MGAT4C: variants seen among roughly 807,000 people sequenced by gnomAD.
The protein encoded by MGAT4C is MGAT4 family member C, also known as alpha-1,3-mannosyl-glycoprotein 4-beta-N-acetylglucosaminyltransferase C.
Under a neutral mutation model 40.1 loss-of-function variants are expected in MGAT4C, and 19 were observed. The ratio of observed to expected loss-of-function variants is 0.47; its 90% confidence interval spans 0.33 to 0.70. The LOEUF (loss-of-function observed/expected upper bound fraction) is 0.70. Among genes scored for constraint, MGAT4C ranks in the 30% least tolerant of loss-of-function variants. The pLI is 0.02. For synonymous variants in MGAT4C, 181 were observed against 187.1 expected, an observed-to-expected ratio of 0.97 and a Z score of 0.27; for missense variants, 491 against 563.2, an observed-to-expected ratio of 0.87 and a Z score of 1.30.
At chr12:86,275,803 C>T (rs1310609162) in intron 4 of MGAT4C, among the ~76,000 whole-genome samples, 1 of 152,028 alleles carries the variant, frequency 6.6e-6, no homozygotes, top group Non-Finnish European at 1.5e-5. Context: ...ACCTCCAAAA[C>T]TGTAAGAAAA....
chr12:86,475,032 C>A (rs1957812081), intron 2 of MGAT4C, among the ~76,000 whole-genome samples: 1 of 151,992 alleles, frequency 6.6e-6, no homozygotes, highest in Non-Finnish European at 1.5e-5. Flanking sequence ...TGTTAATATG[C>A]ATTATAAAAA....
intron 2 of MGAT4C, among the ~76,000 whole-genome samples, chr12:86,468,555 C>T (rs1957714688): frequency 6.6e-6 from 1 of 152,070 alleles, no homozygotes; most frequent in African/African-American, 2.4e-5. Flanking sequence ...TATAAATCCC[C>T]TATTCAAAAT....
In MGAT4C at chr12:86,392,138, C is replaced by G. The variant is rs573005974; in HGVS notation, c.-120+43019G>C. 3.9e-5 allele frequency among the ~76,000 whole-genome samples: 6 copies of G among 151,966 alleles called. No homozygotes were observed. The East Asian group carries it at 1.2e-3, about 30-fold the overall frequency. ...GTTGCAGTGTTTGGTACTAGAGATA[C>G]CAAGATAAAAGTTATGGTCTTCTAG... On this transcript the variant is annotated intron_variant, in intron 3 of 7. Transcript: ENST00000548651.
chr12:85,979,412 T>G lies in MGAT4C; in HGVS notation c.1314A>C (p.Gly438=). ...TYLRLGEFKN[G]NFEMSGVNQK... ...GATTTACACCTGACATTTCAAAGTT[T>G]CCATTTTTGAATTCTCCTAGTCTTA... Residue 438 remains glycine (G), a synonymous_variant, in exon 5 of 5, where the codon GGA becomes GGC. Transcript: ENST00000611864. 1 of 1,613,320 alleles carries G rather than the reference T, an allele frequency of 6.2e-7. No homozygotes were observed. The highest frequency in any genetic ancestry group is 1.3e-5 in the African/African-American group (1 of 75,008).
intron 1 of MGAT4C, among the ~76,000 whole-genome samples, chr12:86,152,258 T>G (rs1458551232): frequency 6.6e-6 from 1 of 152,222 alleles, no homozygotes; most frequent in East Asian, 1.9e-4. Context: ...AGAAATTTAC[T>G]TCTCACAATT....
At chr12:86,043,813 G>A (rs912358268) in intron 2 of MGAT4C, among the ~76,000 whole-genome samples, 3 of 152,140 alleles carry the variant, frequency 2.0e-5, no homozygotes, top group African/African-American at 4.8e-5. Flanking sequence ...TACTTGAATT[G>A]GGTTTTGACT....
At chr12:86,313,111 T>C (rs1427714161) in intron 4 of MGAT4C, among the ~76,000 whole-genome samples, 1 of 152,214 alleles carries the variant, frequency 6.6e-6, no homozygotes, top group Non-Finnish European at 1.5e-5. Context: ...AAACATGAAT[T>C]TGGATATTTT....
Position 86,562,022 on chromosome 12 carries a change from G to A in MGAT4C, c.-228-126757C>T, listed in dbSNP as rs545824348. Among the ~76,000 whole-genome samples the A allele has an allele frequency of 3.9e-5, 6 of 152,226 alleles. No individual in the cohort carries two copies. In the East Asian group the frequency reaches 7.7e-4, roughly 20 times the overall value. ...ACTCCTGATTCACTGCTCTTGAGAG[G>A]CAAGGAGTTTAGTGACTCTATACAT... On this transcript the variant is annotated intron_variant, in intron 2 of 7. Transcript: ENST00000548651.
intron 1 of MGAT4C, among the ~76,000 whole-genome samples, chr12:86,193,456 A>G (rs1355469315): frequency 6.6e-6 from 1 of 151,948 alleles, no homozygotes; most frequent in Non-Finnish European, 1.5e-5. Flanking sequence ...TTTTATATTT[A>G]TCTACCAGTA....
rs1234792619 is a variant in MGAT4C, at chr12:85,974,405, A to T, written c.*4884T>A. 1 of 150,714 alleles carries T rather than the reference A, an allele frequency of 6.6e-6. No homozygotes were observed. Among genetic ancestry groups the T allele is most frequent in the African/African-American group, 2.4e-5 (1 of 41,288 alleles). 9.3% of individuals were successfully genotyped at this position (150,714 alleles called of 1,614,324 possible). A position where few individuals can be genotyped will look rare whatever the true frequency, so the allele number is the denominator to read the frequency against. On this transcript the variant is annotated 3_prime_UTR_variant, in exon 5 of 5. Coordinates refer to ENST00000611864, the MANE Select transcript of MGAT4C (RefSeq NM_001351288.2). The stretch of plus-strand genomic sequence containing the variant: ...GTGCATATCCTTCTGTCTTTCTCTC[A>T]TACACACAGACACACTTACACAACA...
chr12:86,368,232 T>A (rs992026761), intron 3 of MGAT4C, among the ~76,000 whole-genome samples: 2 of 152,124 alleles, frequency 1.3e-5, no homozygotes, highest in Non-Finnish European at 2.9e-5. Flanking sequence ...AAACTAGGCT[T>A]ACTATTAATT....
At chr12:86,441,224 G>A (rs917171406) in intron 2 of MGAT4C, among the ~76,000 whole-genome samples, 1 of 151,772 alleles carries the variant, frequency 6.6e-6, no homozygotes, top group Non-Finnish European at 1.5e-5. Context: ...TATACTACAA[G>A]GATATAGTAA....
chr12:86,486,935 T>C (rs1958029695), intron 2 of MGAT4C, among the ~76,000 whole-genome samples: 3 of 152,174 alleles, frequency 2.0e-5, no homozygotes, highest in African/African-American at 7.2e-5. Flanking sequence ...ATTTTCAGGC[T>C]CAGCAAAGCA....
chr12:86,268,630 C>T (rs1438161002), intron 4 of MGAT4C, among the ~76,000 whole-genome samples: 1 of 147,784 alleles, frequency 6.8e-6, no homozygotes, highest in Non-Finnish European at 1.5e-5. Flanking sequence ...ATTTAATTGG[C>T]TTACTGCTCA....
intron 1 of MGAT4C, among the ~76,000 whole-genome samples, chr12:86,836,012 T>C (rs1953030948): frequency 6.6e-6 from 1 of 151,970 alleles, no homozygotes; most frequent in Non-Finnish European, 1.5e-5. Flanking sequence ...TATTATTTAA[T>C]TCATGTGATC....
intron 2 of MGAT4C, among the ~76,000 whole-genome samples, chr12:86,556,048 T>C (rs1377912241): frequency 6.6e-6 from 1 of 152,242 alleles, no homozygotes; most frequent in East Asian, 1.9e-4. Context: ...CTCAAGTCTA[T>C]AATTCTTTTT....
chr12:86,450,866 A>G (rs1167564505), intron 2 of MGAT4C, among the ~76,000 whole-genome samples: 1 of 152,196 alleles, frequency 6.6e-6, no homozygotes, highest in Non-Finnish European at 1.5e-5. Flanking sequence ...ATGTGTGCAC[A>G]TGTATACATT....
chr12:86,382,976 C>A (rs1955972446), intron 3 of MGAT4C, among the ~76,000 whole-genome samples: 1 of 152,114 alleles, frequency 6.6e-6, no homozygotes, highest in African/African-American at 2.4e-5. Flanking sequence ...GGGGTCAGAA[C>A]CCCCACACAG....
intron 1 of MGAT4C, among the ~76,000 whole-genome samples, chr12:86,801,642 T>G (rs1042766180): frequency 2.0e-5 from 3 of 151,858 alleles, no homozygotes; most frequent in African/African-American, 7.2e-5. Flanking sequence ...CTGGACATGT[T>G]ACTCCTGCTT....
Sources: allele counts gnomAD v4.1 joint callset (sites outside exome capture counted in the v4.1 genomes callset), GRCh38; gene constraint gnomAD v4.1.1; transcripts MANE v1.5; gene names NCBI Gene and HGNC (gene_info 2026-07-23, HGNC 2026-07-21).